ZFR2: variants seen among roughly 807,000 people sequenced by gnomAD.
ZFR2 encodes the protein zinc finger RNA-binding protein 2.
Under a neutral mutation model 105.7 loss-of-function variants are expected in ZFR2, and 104 were observed. That is an observed-to-expected ratio of 0.98 (90% confidence interval 0.84 to 1.16). ZFR2 has a LOEUF of 1.16. Ranked by LOEUF, ZFR2 falls within the 50% of genes most tolerant of loss-of-function variation. ZFR2 has a pLI of 0.00. For missense variants in ZFR2, 1,425 were observed against 1,355.5 expected (o/e 1.05, Z -0.80); for synonymous variants, 634 against 597.7 (o/e 1.06, Z -0.89).
At chr19:3,807,324 C>A (rs1164846184) in intron 17 of ZFR2, 55 bp from the exon 18 acceptor site, 1 of 1,364,788 alleles carries the variant, frequency 7.3e-7, no homozygotes, top group Non-Finnish European at 1.0e-6. Flanking sequence ...TCGTGAAAGA[C>A]GGTGACAGGG....
In ZFR2 at chr19:3,813,836, G is replaced by C. The variant is rs1197520875; in HGVS notation, c.2226C>G (p.Asp742Glu). ...ISVTSPLMREDPSTDPGVEEP... is the reference protein window; with the variant it reads ...ISVTSPLMREEPSTDPGVEEP... ...GGGCCGCACCTGGGTCTGTGGAGGG[G>C]TCCTCCCGCATCAGAGGTGAGGTGA... The change falls in exon 14 of 19, where the codon GAC (aspartate) becomes GAG (glutamate). Residue 742 changes from aspartate to glutamate, a missense_variant. Asp to Glu is a conservative substitution (Grantham distance 45). Transcript: ENST00000262961. The surrounding 1 kb of genome is among the most constrained non-coding windows in gnomAD (Gnocchi z 4.4). 1 of 1,613,846 alleles carries C rather than the reference G, an allele frequency of 6.2e-7. No homozygotes were observed.
chr19:3,821,091 T>C (rs918476190), intron 10 of ZFR2, among the ~76,000 whole-genome samples: 1 of 151,958 alleles, frequency 6.6e-6, no homozygotes, highest in Non-Finnish European at 1.5e-5. Flanking sequence ...GCCGGCAGTG[T>C]CCCTGCGTCT....
At chr19:3,809,422 C>G (rs2037737702) in intron 16 of ZFR2, among the ~76,000 whole-genome samples, 3 of 152,182 alleles carry the variant, frequency 2.0e-5, no homozygotes, top group Admixed American at 2.0e-4. Context: ...GGGAAGGAGC[C>G]ACCCTATCCC....
chr19:3,830,541 G>A (rs2038000804), intron 5 of ZFR2, among the ~76,000 whole-genome samples: 1 of 152,132 alleles, frequency 6.6e-6, no homozygotes, highest in Non-Finnish European at 1.5e-5. Flanking sequence ...CTGAGACAGG[G>A]AAAGGGTGAT....
rs565899728 is a variant in ZFR2, at chr19:3,855,714, G to A, written c.53+13251C>T. 41 of 352,582 alleles carry A rather than the reference G, an allele frequency of 1.2e-4. 2 individuals carry two copies. In the South Asian group the frequency reaches 3.8e-3, roughly 33 times the overall value. 21.8% of individuals were successfully genotyped at this position (352,582 alleles called of 1,614,324 possible). A position where few individuals can be genotyped will look rare whatever the true frequency, so the allele number is the denominator to read the frequency against. Reference sequence around the variant, plus strand: ...TGGCGGGCCTGGTGGGTGAGGAGGAGGGTGAAGACACAAAGTTGGGGAAAC... The same window carrying A: ...TGGCGGGCCTGGTGGGTGAGGAGGAAGGTGAAGACACAAAGTTGGGGAAAC... On this transcript the variant is annotated intron_variant, in intron 1 of 18. Coordinates refer to ENST00000262961, the MANE Select transcript of ZFR2 (RefSeq NM_015174.2).
chr19:3,821,368 G>T lies in ZFR2; in HGVS notation c.1603C>A (p.Gln535Lys). 1 of 1,606,078 alleles carries T rather than the reference G, an allele frequency of 6.2e-7. No homozygotes were observed. ...CTCTCCGCGTGCCAGCGCCGCAGCTGCTCCAGCCGCTCCTCCGCCAGGTGC... is the reference window on the plus strand; with the variant it reads ...CTCTCCGCGTGCCAGCGCCGCAGCTTCTCCAGCCGCTCCTCCGCCAGGTGC... ...QRHLAEERLE[Q>K]LRRWHAERRR... The change falls in exon 10 of 19, where the codon CAG becomes AAG. Residue 535 changes from glutamine to lysine, a missense_variant. By Grantham distance (53) the Gln-to-Lys change is moderately conservative. Coordinates refer to ENST00000262961, the MANE Select transcript of ZFR2 (RefSeq NM_015174.2).
intron 10 of ZFR2, among the ~76,000 whole-genome samples, chr19:3,820,783 G>A (rs72972945): frequency 0.028 from 3,417 of 122,348 alleles, 328 homozygotes; most frequent in African/African-American, 0.1. Flanking sequence ...GGACACCAGG[G>A]GTCAGGGGGA....
intron 1 of ZFR2, among the ~76,000 whole-genome samples, chr19:3,842,849 T>C (rs529273393): frequency 2.0e-5 from 3 of 152,216 alleles, no homozygotes; most frequent in African/African-American, 7.2e-5. Context: ...GGTCTCGAAC[T>C]CCTGACTGCA....
intron 9 of ZFR2, 54 bp downstream of exon 9, chr19:3,822,027 G>A: frequency 1.3e-6 from 2 of 1,528,954 alleles, no homozygotes; most frequent in Non-Finnish European, 8.8e-7. Flanking sequence ...CCCAGCGCCC[G>A]CCGGGCCCTA....
At chr19:3,810,696 A>T in intron 16 of ZFR2, 54 bp downstream of exon 16, 1 of 1,484,222 alleles carries the variant, frequency 6.7e-7, no homozygotes, top group Non-Finnish European at 9.1e-7. Context: ...TGTCAGGGCC[A>T]TGGAGGCCCT....
At chr19:3,831,213 C>A in intron 5 of ZFR2, 90 bp downstream of exon 5, 1 of 1,428,156 alleles carries the variant, frequency 7.0e-7, no homozygotes, top group South Asian at 1.5e-5. Context: ...AGGCAGCGAC[C>A]CTGACCACCC....
chr19:3,831,133 A>G (rs773800220), intron 5 of ZFR2, among the ~76,000 whole-genome samples, 170 bp downstream of exon 5: 4 of 151,814 alleles, frequency 2.6e-5, no homozygotes, highest in East Asian at 1.9e-4. Flanking sequence ...ACACTTGCAC[A>G]CACACACAAG....
rs367929208 is a variant in ZFR2 at position 3,827,624 on chromosome 19, C to T, written c.882G>A (p.Lys294=). ...QTYREHLGGQ[K]HRKKEAAQKT... is the part of the protein sequence containing the mutation. Reference sequence around the variant, plus strand: ...TCTGGGCCGCCTCCTTCTTTCTGTGCTTCTGCCCTCCCAGATGTTCCCGGT... The same window carrying T: ...TCTGGGCCGCCTCCTTCTTTCTGTGTTTCTGCCCTCCCAGATGTTCCCGGT... Residue 294 remains lysine, a synonymous_variant, in exon 6 of 19, where the codon AAG becomes AAA. Coordinates refer to ENST00000262961, the MANE Select transcript of ZFR2 (RefSeq NM_015174.2). 38 of 1,583,860 alleles carry T rather than the reference C, an allele frequency of 2.4e-5. No individual in the cohort carries two copies. The highest frequency in any genetic ancestry group is 3.0e-5 in the Non-Finnish European group (35 of 1,165,630).
In ZFR2 at chr19:3,827,663, G is replaced by C. The variant is rs865826486; in HGVS notation, c.853-10C>G. ...GATGTTCCCGGTAGGTCTGCGGCAA[G>C]GGGTGAGAGGCAGCCTGGGCGGGGG... On this transcript the variant is annotated splice_polypyrimidine_tract_variant and intron_variant, in intron 5 of 18. Transcript: ENST00000262961. 6.4e-7 allele frequency: 1 copy of C among 1,572,914 alleles called. No individual in the cohort carries two copies. Among genetic ancestry groups the C allele is most frequent in the Non-Finnish European group, 8.6e-7 (1 of 1,159,648 alleles).
chr19:3,857,081 C>CTTTTTTTTTT (rs57226127), intron 1 of ZFR2: 2 of 64,206 alleles, frequency 3.1e-5, no homozygotes, highest in Non-Finnish European at 2.7e-5. Flanking sequence ...GTGAAATCTT[C>CTTTTTTTTTT]TTTTTTTTTT....
intron 1 of ZFR2, among the ~76,000 whole-genome samples, chr19:3,866,730 T>C (rs2038434103): frequency 6.6e-6 from 1 of 152,168 alleles, no homozygotes; most frequent in African/African-American, 2.4e-5. Context: ...GGGTGGAGTG[T>C]GTCCAGAAGT....
chr19:3,824,754 T>C (rs1311399333), intron 7 of ZFR2, among the ~76,000 whole-genome samples: 2 of 152,134 alleles, frequency 1.3e-5, no homozygotes, highest in Middle Eastern at 3.2e-3. Context: ...CTGGCCAACA[T>C]GGTGAAACCC....
intron 1 of ZFR2, among the ~76,000 whole-genome samples, chr19:3,842,658 T>A (rs1343821061): frequency 6.6e-6 from 1 of 151,570 alleles, no homozygotes; most frequent in Non-Finnish European, 1.5e-5. Flanking sequence ...AGTTTTGCTC[T>A]TGTGGTCCTG....
In ZFR2 at chr19:3,834,419, T is replaced by G. The variant is rs1003054652; in HGVS notation, c.264+354A>C. ...GAGTCCTGGTCTCTCTGGGCCCAGG[T>G]GGCCGAGGCCATCTGCCCTGACCAG... On this transcript the variant is annotated intron_variant, in intron 2 of 18. Coordinates refer to ENST00000262961, the MANE Select transcript of ZFR2 (RefSeq NM_015174.2). This position sits in a 1 kb window ranked among gnomAD's most constrained non-coding sequence, Gnocchi z 5.3. 6.6e-6 allele frequency among the ~76,000 whole-genome samples: 1 copy of G among 151,904 alleles called. No homozygotes were observed. The highest frequency in any genetic ancestry group is 1.5e-5 in the Non-Finnish European group (1 of 67,970).
Sources: allele counts gnomAD v4.1 joint callset (sites outside exome capture counted in the v4.1 genomes callset), GRCh38; gene constraint gnomAD v4.1.1; non-coding constraint Gnocchi (gnomAD v3.1); transcripts MANE v1.5; gene names NCBI Gene and HGNC (gene_info 2026-07-23, HGNC 2026-07-21).